Variants in KAZN observed in about 807,000 individuals in gnomAD.
KAZN encodes kazrin.
KAZN carries 40 observed loss-of-function variants against 87.4 expected under a neutral mutation model. The observed-to-expected ratio is 0.46, with a 90% CI of 0.36 to 0.60. The LOEUF (loss-of-function observed/expected upper bound fraction) is 0.60. Among genes scored for constraint, KAZN ranks in the 20% least tolerant of loss-of-function variants. The pLI, the probability that KAZN is intolerant of heterozygous loss-of-function variation, is 0.00. For synonymous variants in KAZN, 466 were observed against 458.3 expected, an observed-to-expected ratio of 1.02 and a Z score of -0.22; for missense variants, 898 against 1,073.9, an observed-to-expected ratio of 0.84 and a Z score of 2.29.
chr1:14,202,520 T>C (rs1307003966), intron 2 of KAZN, among the ~76,000 whole-genome samples: 1 of 152,104 alleles, frequency 6.6e-6, no homozygotes, highest in African/African-American at 2.4e-5. Context: ...AGGGATGGTG[T>C]GGGGAGAACA....
At chr1:14,279,203 G>A (rs1383697150) in intron 2 of KAZN, among the ~76,000 whole-genome samples, 1 of 152,092 alleles carries the variant, frequency 6.6e-6, no homozygotes, top group African/African-American at 2.4e-5. Context: ...AGACAGACTG[G>A]GAAAGGAAGA....
At chr1:14,618,250 T>G (rs1377826624) in intron 1 of KAZN, among the ~76,000 whole-genome samples, 1 of 152,230 alleles carries the variant, frequency 6.6e-6, no homozygotes, top group East Asian at 1.9e-4. Context: ...AGAGTGAGGA[T>G]TTGACATGAA....
intron 1 of KAZN, among the ~76,000 whole-genome samples, chr1:14,094,377 A>G (rs973944618): frequency 6.6e-6 from 1 of 152,194 alleles, no homozygotes; most frequent in Non-Finnish European, 1.5e-5. Context: ...TCCCAAGGAA[A>G]TGCCTTCAGG....
intron 2 of KAZN, among the ~76,000 whole-genome samples, chr1:14,345,283 C>T (rs1329656541): frequency 1.3e-5 from 2 of 152,194 alleles, no homozygotes; most frequent in African/African-American, 4.8e-5. Flanking sequence ...ACTTTAGCAG[C>T]GTCAGCATCA....
At chr1:14,978,688 G>C (rs1374382502) in intron 2 of KAZN, among the ~76,000 whole-genome samples, 1 of 152,142 alleles carries the variant, frequency 6.6e-6, no homozygotes, top group Admixed American at 6.5e-5. Context: ...CTCAGCCTCT[G>C]TGTGCTATGG....
chr1:13,911,888 A>G (rs1410139455), intron 1 of KAZN, among the ~76,000 whole-genome samples: 11 of 152,156 alleles, frequency 7.2e-5, no homozygotes, highest in Non-Finnish European at 1.3e-4. Context: ...AGGTGGTTCT[A>G]AGAAGTGAAG....
chr1:14,762,861 CAAT>C (rs149085367), intron 1 of KAZN, among the ~76,000 whole-genome samples: 25,803 of 151,786 alleles, frequency 0.17, 3,018 homozygotes, highest in African/African-American at 0.33. Flanking sequence ...CTGATGGCAA[CAAT>C]AATAATAATA....
intron 2 of KAZN, among the ~76,000 whole-genome samples, chr1:14,341,415 T>C (rs941027646): frequency 1.3e-5 from 2 of 152,076 alleles, no homozygotes; most frequent in Non-Finnish European, 2.9e-5. Context: ...GGGCTCAGGG[T>C]GCTGCAGTGG....
At chr1:15,048,569 G>T (rs534748786) in intron 4 of KAZN, among the ~76,000 whole-genome samples, 1 of 152,114 alleles carries the variant, frequency 6.6e-6, no homozygotes. Flanking sequence ...GTCCTGGGTC[G>T]TTGATCCTTG....
At chr1:14,047,194 T>C (rs994662407) in intron 1 of KAZN, among the ~76,000 whole-genome samples, 5 of 152,280 alleles carry the variant, frequency 3.3e-5, no homozygotes, top group African/African-American at 9.6e-5. Flanking sequence ...TCTTCACTGG[T>C]AGAAATAGGG....
chr1:14,145,529 T>C (rs757943507), intron 1 of KAZN, among the ~76,000 whole-genome samples: 2 of 152,180 alleles, frequency 1.3e-5, no homozygotes, highest in Non-Finnish European at 2.9e-5. Context: ...AAAATATTTG[T>C]CTATAAACAT....
chr1:14,480,070 G>T (rs781385758), intron 2 of KAZN, among the ~76,000 whole-genome samples: 6 of 152,234 alleles, frequency 3.9e-5, no homozygotes, highest in Non-Finnish European at 8.8e-5. Flanking sequence ...GGGCATCCAT[G>T]TGACCAGTGC....
At chr1:13,951,101 A>G (rs892982410) in intron 1 of KAZN, among the ~76,000 whole-genome samples, 1 of 152,196 alleles carries the variant, frequency 6.6e-6, no homozygotes, top group African/African-American at 2.4e-5. Flanking sequence ...TGCAGGCGAT[A>G]CCATTGCATT....
At chr1:14,616,021 G>A (rs924962029) in intron 1 of KAZN, among the ~76,000 whole-genome samples, 1 of 152,206 alleles carries the variant, frequency 6.6e-6, no homozygotes, top group Admixed American at 6.5e-5. Flanking sequence ...AGAGACACTT[G>A]AAAGCTGGGG....
chr1:14,805,801 T>A (rs1292750746), intron 1 of KAZN, among the ~76,000 whole-genome samples: 1 of 130,676 alleles, frequency 7.7e-6, no homozygotes, highest in Admixed American at 7.8e-5. Flanking sequence ...ATAATAATAA[T>A]AATAAATTAA....
intron 13 of KAZN, among the ~76,000 whole-genome samples, chr1:15,106,794 G>T (rs1167532666): frequency 6.6e-6 from 1 of 152,142 alleles, no homozygotes; most frequent in African/African-American, 2.4e-5. Flanking sequence ...CATGGTATCT[G>T]CTTTGACACA....
intron 2 of KAZN, among the ~76,000 whole-genome samples, chr1:14,404,649 A>G (rs909610000): frequency 3.5e-4 from 53 of 152,192 alleles, no homozygotes; most frequent in African/African-American, 1.2e-3. Flanking sequence ...AATAATTAAA[A>G]TGTCTGTAAA....
intron 2 of KAZN, among the ~76,000 whole-genome samples, chr1:14,537,066 C>T (rs1672545787): frequency 6.6e-6 from 1 of 152,190 alleles, no homozygotes; most frequent in Non-Finnish European, 1.5e-5. Flanking sequence ...GTCTTGCATC[C>T]AGAAGGTACT....
intron 2 of KAZN, among the ~76,000 whole-genome samples, chr1:14,576,385 GTGGA>G (rs113680816): frequency 6.6e-6 from 1 of 150,706 alleles, no homozygotes; most frequent in African/African-American, 2.4e-5. Flanking sequence ...GGATGGCTGG[GTGGA>G]TGGATGGATG....
Sources: allele counts gnomAD v4.1 joint callset (sites outside exome capture counted in the v4.1 genomes callset), GRCh38; gene constraint gnomAD v4.1.1; transcripts MANE v1.5; gene names NCBI Gene and HGNC (gene_info 2026-07-23, HGNC 2026-07-21).